MGST2: variants seen among roughly 807,000 people sequenced by gnomAD.
MGST2 encodes the protein glutathione peroxidase MGST2.
A neutral mutation model predicts 16.6 loss-of-function variants in MGST2; 9 were observed. The ratio of observed to expected loss-of-function variants is 0.54; its 90% CI spans 0.33 to 0.95. MGST2 has a LOEUF of 0.95. MGST2 is among the 40% of genes least tolerant of loss of function. The pLI, the probability that MGST2 is intolerant of heterozygous loss-of-function variation, is 0.03. For missense variants in MGST2, 159 were observed against 175.1 expected, an observed-to-expected ratio of 0.91 and a Z score of 0.52; for synonymous variants, 79 against 68.0, an observed-to-expected ratio of 1.16 and a Z score of -0.79.
chr4:139,706,413 G>A (rs1358881618), downstream of MGST2, among the ~76,000 whole-genome samples: 4 of 152,092 alleles, frequency 2.6e-5, no homozygotes, highest in Non-Finnish European at 4.4e-5. Context: ...GTAAAATAGG[G>A]CAAATATGCT....
chr4:139,698,956 C>T (rs1024866740), intron 3 of MGST2, among the ~76,000 whole-genome samples: 11 of 152,188 alleles, frequency 7.2e-5, no homozygotes, highest in African/African-American at 2.6e-4. Context: ...AATATCATAA[C>T]TTTTCTCTGC....
intron 2 of MGST2, among the ~76,000 whole-genome samples, chr4:139,680,308 A>AT (rs969280782): frequency 1.3e-5 from 2 of 152,032 alleles, no homozygotes; most frequent in East Asian, 1.9e-4. Context: ...TTCTTGTGCA[A>AT]TTTTTTTTCC....
intron 2 of MGST2, among the ~76,000 whole-genome samples, chr4:139,689,865 A>C (rs1185601661): frequency 6.6e-6 from 1 of 152,204 alleles, no homozygotes; most frequent in Admixed American, 6.5e-5. Flanking sequence ...ATTCATAAAA[A>C]GTTTTAGGCC....
intron 1 of MGST2, among the ~76,000 whole-genome samples, chr4:139,672,722 T>C (rs1730764674): frequency 6.6e-6 from 1 of 152,148 alleles, no homozygotes; most frequent in African/African-American, 2.4e-5. Context: ...AGCTAATTTT[T>C]GTATTTTTAG....
At chr4:139,682,242 TAAAAAAAA>T (rs10711495) in intron 2 of MGST2, among the ~76,000 whole-genome samples, 266 of 144,764 alleles carry the variant, frequency 1.8e-3, no homozygotes, top group African/African-American at 6.4e-3. Flanking sequence ...TAATTGGTGC[TAAAAAAAA>T]AAAAAACAAA....
intron 5 of MGST2, among the ~76,000 whole-genome samples, chr4:139,725,990 G>C (rs1488994166): frequency 2.0e-4 from 31 of 152,192 alleles, no homozygotes; most frequent in Admixed American, 1.4e-3. Flanking sequence ...CAAAGTCTAA[G>C]GATAGAGTCA....
At chr4:139,722,821 A>T (rs956731571) in intron 5 of MGST2, among the ~76,000 whole-genome samples, 10 of 152,210 alleles carry the variant, frequency 6.6e-5, no homozygotes, top group Non-Finnish European at 1.2e-4. Context: ...CTTATTTTTC[A>T]GTTTGCTATT....
chr4:139,666,624 T>C (rs1366942595), intron 1 of MGST2, among the ~76,000 whole-genome samples: 1 of 152,194 alleles, frequency 6.6e-6, no homozygotes, highest in Non-Finnish European at 1.5e-5. Context: ...TAAAACAGCT[T>C]CCCACTAGGA....
intron 5 of MGST2, among the ~76,000 whole-genome samples, chr4:139,736,928 A>G (rs1052451243): frequency 2.0e-5 from 3 of 152,138 alleles, no homozygotes; most frequent in Non-Finnish European, 4.4e-5. Flanking sequence ...TTGGAACAAA[A>G]TTTTCAAAAT....
chr4:139,753,018 C>T, the MGST2 span, among the ~76,000 whole-genome samples: 1 of 152,164 alleles, frequency 6.6e-6, no homozygotes, highest in Admixed American at 6.5e-5. Context: ...AGAATTTATT[C>T]TTCCTGTCTT....
chr4:139,691,700 T>C (rs2602242), intron 2 of MGST2, among the ~76,000 whole-genome samples: 3 of 128,792 alleles, frequency 2.3e-5, no homozygotes, highest in Admixed American at 2.2e-4. Flanking sequence ...TGATGATGAT[T>C]ATTATTATTA....
chr4:139,688,515 A>AT (rs147142819), intron 2 of MGST2, among the ~76,000 whole-genome samples: 5,135 of 145,648 alleles, frequency 0.035, 198 homozygotes, highest in East Asian at 0.2. Context: ...GTGATTCTGT[A>AT]TTTTTTTTTT....
intron 5 of MGST2, among the ~76,000 whole-genome samples, chr4:139,716,598 T>C (rs1350885623): frequency 6.6e-6 from 1 of 152,192 alleles, no homozygotes; most frequent in African/African-American, 2.4e-5. Flanking sequence ...ATGCAAAGGC[T>C]GGGAATGATT....
Position 139,725,849 on chromosome 4 carries a change from A to C in MGST2, c.*49-14363A>C, listed in dbSNP as rs764848956. On this transcript the variant is annotated intron_variant, in intron 5 of 5. Transcript: ENST00000616265. Reference sequence around the variant, plus strand: ...TTGCTGCAACTGCTAGAACAACAGAACACAAGAGGGGTGGAGAGGTGAGAT... The same window carrying C: ...TTGCTGCAACTGCTAGAACAACAGACCACAAGAGGGGTGGAGAGGTGAGAT... The C allele has an allele frequency of 4.3e-6, 7 of 1,611,358 alleles. No homozygotes were observed. In the African/African-American group the frequency reaches 6.7e-5, roughly 15 times the overall value.
rs553332088 is a variant in MGST2, at chr4:139,691,942, T to C, written c.159-3255T>C. Reference sequence around the variant, plus strand: ...GTCTCGATCTCCTGACCTCGTGATTTGCCCACCTCGGCCTCCCAAAGTGCT... The same window carrying C: ...GTCTCGATCTCCTGACCTCGTGATTCGCCCACCTCGGCCTCCCAAAGTGCT... On this transcript the variant is annotated intron_variant, in intron 2 of 4. Coordinates refer to ENST00000265498, the MANE Select transcript of MGST2 (RefSeq NM_002413.5). Among the ~76,000 whole-genome samples, 22 of 152,194 alleles carry C rather than the reference T, an allele frequency of 1.4e-4. 1 individual carries two copies. The highest frequency in any genetic ancestry group is 5.3e-4 in the African/African-American group (22 of 41,536).
intron 5 of MGST2, chr4:139,719,494 T>G: frequency 6.2e-7 from 1 of 1,614,008 alleles, no homozygotes; most frequent in Non-Finnish European, 8.5e-7. Flanking sequence ...GCTCATAGGC[T>G]TGGCTCTGGC....
At chr4:139,668,266 G>C (rs1281391661) in intron 1 of MGST2, among the ~76,000 whole-genome samples, 1 of 152,154 alleles carries the variant, frequency 6.6e-6, no homozygotes, top group Non-Finnish European at 1.5e-5. Flanking sequence ...AGGTAGCAGC[G>C]TTTGGAGAGA....
chr4:139,715,331 G>A lies in MGST2; in HGVS notation c.*48+11135G>A, dbSNP rs1485357963. Among the ~76,000 whole-genome samples, 2 of 152,084 alleles carry A rather than the reference G, an allele frequency of 1.3e-5. No homozygotes were observed. Among genetic ancestry groups the A allele is most frequent in the Non-Finnish European group, 2.9e-5 (2 of 68,026 alleles). ...CCCATCGTTCTCCAGAAATATGTTAGAGGACTCCAATACTTACCCAAAGGT... is the reference window on the plus strand; with the variant it reads ...CCCATCGTTCTCCAGAAATATGTTAAAGGACTCCAATACTTACCCAAAGGT... On this transcript the variant is annotated intron_variant, in intron 5 of 5. Transcript: ENST00000616265. This position sits in a 1 kb window ranked among gnomAD's most constrained non-coding sequence, Gnocchi z 4.4.
chr4:139,666,623 T>G (rs1364867627), intron 1 of MGST2, among the ~76,000 whole-genome samples: 2 of 152,208 alleles, frequency 1.3e-5, no homozygotes, highest in Admixed American at 1.3e-4. Flanking sequence ...TTAAAACAGC[T>G]TCCCACTAGG....
Sources: allele counts gnomAD v4.1 joint callset (sites outside exome capture counted in the v4.1 genomes callset), GRCh38; gene constraint gnomAD v4.1.1; non-coding constraint Gnocchi (gnomAD v3.1); transcripts MANE v1.5; gene names NCBI Gene and HGNC (gene_info 2026-07-23, HGNC 2026-07-21).